BTBD9: variants seen among roughly 807,000 people sequenced by gnomAD.
BTBD9 encodes BTB/POZ domain-containing protein 9.
BTBD9 carries 49 observed loss-of-function variants against 64.3 expected under a neutral mutation model. The observed-to-expected ratio is 0.76, with a 90% CI of 0.61 to 0.97. The LOEUF (loss-of-function observed/expected upper bound fraction) is 0.97, where lower values mean the gene tolerates loss of function less well. BTBD9 is among the 50% of genes least tolerant of loss of function. The pLI is 0.00. For synonymous variants in BTBD9, 260 were observed against 274.7 expected (o/e 0.95, Z 0.53); for missense variants, 598 against 762.1 (o/e 0.78, Z 2.53).
chr6:38,302,917 T>C (rs1762468737), intron 7 of BTBD9, among the ~76,000 whole-genome samples: 1 of 152,140 alleles, frequency 6.6e-6, no homozygotes, highest in Non-Finnish European at 1.5e-5. Flanking sequence ...TTTTTTCACA[T>C]ACCCATTGGC....
At chr6:38,423,713 A>C (rs1768014766) in intron 6 of BTBD9, among the ~76,000 whole-genome samples, 1 of 152,240 alleles carries the variant, frequency 6.6e-6, no homozygotes, top group African/African-American at 2.4e-5. Flanking sequence ...AATAATTAAC[A>C]AAACTTGAAA....
chr6:38,236,112 A>C lies in BTBD9; in HGVS notation c.1562+20297T>G, dbSNP rs545590312. Among the ~76,000 whole-genome samples, 3 of 152,324 alleles carry C rather than the reference A, an allele frequency of 2.0e-5. No homozygotes were observed. The South Asian group carries it at 6.2e-4, about 32-fold the overall frequency. On this transcript the variant is annotated intron_variant, in intron 9 of 10. Coordinates refer to ENST00000481247, the MANE Select transcript of BTBD9 (RefSeq NM_001099272.2). ...CATAAGTTAGATGTTCTTATGTAGG[A>C]AAGGAATGCCTCACTTAAGAAATAA...
At chr6:38,347,981 A>G (rs1764353268) in intron 6 of BTBD9, among the ~76,000 whole-genome samples, 1 of 152,196 alleles carries the variant, frequency 6.6e-6, no homozygotes, top group Non-Finnish European at 1.5e-5. Flanking sequence ...TGGGTGACAG[A>G]GTGAGATTCT....
chr6:38,214,052 C>T (rs1261240820), intron 9 of BTBD9, among the ~76,000 whole-genome samples: 2 of 151,714 alleles, frequency 1.3e-5, no homozygotes, highest in Non-Finnish European at 2.9e-5. Context: ...TCTTTTCAAA[C>T]ATTTTCTTGA....
intron 6 of BTBD9, among the ~76,000 whole-genome samples, chr6:38,487,116 T>C (rs769067304): frequency 1.3e-5 from 2 of 152,190 alleles, no homozygotes; most frequent in Non-Finnish European, 2.9e-5. Flanking sequence ...AAGGACACAA[T>C]ATAAAGAACA....
rs113386216 is a variant in BTBD9, at chr6:38,298,855, C to CTTTT, written c.1265-10398_1265-10395dup. On this transcript the variant is annotated intron_variant, in intron 7 of 10. Coordinates refer to ENST00000481247, the MANE Select transcript of BTBD9 (RefSeq NM_001099272.2). ...TTGCTGCAAATGAAAGTATTTCATT[C>CTTTT]TTTTTTTTTTTTTAATATACTTTAA... Among the ~76,000 whole-genome samples the CTTTT allele has an allele frequency of 7.8e-4, 114 of 146,196 alleles. 1 individual carries two copies. Among genetic ancestry groups the CTTTT allele is most frequent in the East Asian group, 5.6e-3 (28 of 4,964 alleles).
chr6:38,332,850 C>A (rs2127582531), intron 7 of BTBD9, among the ~76,000 whole-genome samples: 2 of 152,276 alleles, frequency 1.3e-5, no homozygotes, highest in South Asian at 2.1e-4. Context: ...TTTATAGTTT[C>A]TTTACATTAA....
intron 6 of BTBD9, among the ~76,000 whole-genome samples, chr6:38,459,660 T>G (rs1203068387): frequency 6.6e-6 from 1 of 152,186 alleles, no homozygotes; most frequent in African/African-American, 2.4e-5. Context: ...ACTTTTGTTA[T>G]GCTAAGTTAC....
chr6:38,577,770 T>C (rs1776119911), intron 5 of BTBD9, 51 bp from the exon 6 acceptor site: 1 of 1,501,140 alleles, frequency 6.7e-7, no homozygotes, highest in South Asian at 1.2e-5. Flanking sequence ...TAAAAAACAA[T>C]ACAAAGCTGT....
chr6:38,244,148 C>T (rs995310514), intron 9 of BTBD9, among the ~76,000 whole-genome samples: 11 of 152,212 alleles, frequency 7.2e-5, no homozygotes, highest in African/African-American at 2.7e-4. Flanking sequence ...GATGCCCATG[C>T]TGACTGTTAC....
intron 4 of BTBD9, chr6:38,588,307 C>A (rs1776635320): frequency 9.4e-7 from 1 of 1,063,162 alleles, no homozygotes; most frequent in Admixed American, 1.7e-5. Flanking sequence ...AAGCAATTAT[C>A]CTGCACAAAT....
intron 6 of BTBD9, among the ~76,000 whole-genome samples, chr6:38,509,979 C>T (rs1231901526): frequency 6.6e-6 from 1 of 152,216 alleles, no homozygotes; most frequent in African/African-American, 2.4e-5. Context: ...CTGGCTTTTG[C>T]ATTTCAAAGA....
intron 1 of BTBD9, among the ~76,000 whole-genome samples, chr6:38,601,187 T>A (rs947689244): frequency 3.3e-5 from 5 of 152,194 alleles, no homozygotes; most frequent in African/African-American, 1.2e-4. Context: ...TGATTTAGAC[T>A]CTATATTGTT....
chr6:38,385,786 A>C (rs1294275447), intron 6 of BTBD9, among the ~76,000 whole-genome samples: 1 of 146,102 alleles, frequency 6.8e-6, no homozygotes, highest in East Asian at 2.0e-4. Context: ...AGATTAAATA[A>C]TATCATACTT....
At chr6:38,200,242 C>T (rs148943119) in intron 9 of BTBD9, among the ~76,000 whole-genome samples, 2 of 152,184 alleles carry the variant, frequency 1.3e-5, no homozygotes, top group Non-Finnish European at 2.9e-5. Context: ...ACAAAATAGA[C>T]CAAAACCTGT....
intron 7 of BTBD9, among the ~76,000 whole-genome samples, chr6:38,338,186 T>G (rs1763969254): frequency 6.6e-6 from 1 of 152,188 alleles, no homozygotes; most frequent in Admixed American, 6.5e-5. Context: ...CAATATACAC[T>G]ATGTTTTTCA....
At chr6:38,420,363 T>G (rs535861222) in intron 6 of BTBD9, among the ~76,000 whole-genome samples, 1 of 152,196 alleles carries the variant, frequency 6.6e-6, no homozygotes, top group South Asian at 2.1e-4. Flanking sequence ...AGCTGAGAAA[T>G]GTATTCAGCA....
chr6:38,258,478 A>C (rs1764678933), intron 8 of BTBD9, among the ~76,000 whole-genome samples: 1 of 152,218 alleles, frequency 6.6e-6, no homozygotes, highest in Non-Finnish European at 1.5e-5. Context: ...TGGCATAGAT[A>C]GTGAGCTCCT....
chr6:38,231,888 GT>G (rs1472029522), intron 9 of BTBD9, among the ~76,000 whole-genome samples: 2 of 152,202 alleles, frequency 1.3e-5, no homozygotes, highest in African/African-American at 4.8e-5. Context: ...CATTTCAGAT[GT>G]AATCCCTGAT....
Sources: allele counts gnomAD v4.1 joint callset (sites outside exome capture counted in the v4.1 genomes callset), GRCh38; gene constraint gnomAD v4.1.1; transcripts MANE v1.5; gene names NCBI Gene and HGNC (gene_info 2026-07-23, HGNC 2026-07-21).